RTL9: variants seen among roughly 807,000 people sequenced by gnomAD.
The protein encoded by RTL9 is retrotransposon Gag-like protein 9.
A neutral mutation model predicts 44.7 loss-of-function variants in RTL9; 19 were observed. The ratio of observed to expected loss-of-function variants is 0.42; its 90% CI spans 0.30 to 0.62. The LOEUF is 0.62. Among genes scored for constraint, RTL9 ranks in the 20% least tolerant of loss-of-function variants. The pLI is 0.16. For synonymous variants in RTL9, 407 were observed against 398.9 expected, an observed-to-expected ratio of 1.02 and a Z score of -0.24; for missense variants, 1,105 against 1,080.6, an observed-to-expected ratio of 1.02 and a Z score of -0.32.
At chrX:110,436,782 G>A (rs754664000) in intron 1 of RTL9, among the ~76,000 whole-genome samples, 49 of 112,131 alleles carry the variant, frequency 4.4e-4, no homozygotes, top group Non-Finnish European at 8.1e-4. Flanking sequence ...GAGGGAGGTA[G>A]AGAGTGGGGC....
chrX:110,449,942 T>C (rs777543855), upstream of RTL9, among the ~76,000 whole-genome samples: 8 of 112,234 alleles, frequency 7.1e-5, no homozygotes, highest in Non-Finnish European at 1.3e-4. Flanking sequence ...CGTGAAGCAA[T>C]AAATAAATAG....
At chrX:110,388,945 G>A (rs2068476398) in intron 1 of RTL9, among the ~76,000 whole-genome samples, 1 of 112,358 alleles carries the variant, frequency 8.9e-6, no homozygotes, top group South Asian at 3.7e-4. Flanking sequence ...AGTACCAGGG[G>A]TATCATATCT....
intron 1 of RTL9, among the ~76,000 whole-genome samples, chrX:110,407,807 A>G (rs2068613469): frequency 8.9e-6 from 1 of 112,351 alleles, no homozygotes; most frequent in Non-Finnish European, 1.9e-5. Flanking sequence ...TTTTCTTTCT[A>G]TTTGCAGAAG....
At chrX:110,426,094 A>G (rs1266152877) in intron 1 of RTL9, among the ~76,000 whole-genome samples, 5 of 111,822 alleles carry the variant, frequency 4.5e-5, no homozygotes, top group Non-Finnish European at 9.4e-5. Context: ...TTCTGGAGAG[A>G]AGTAATTTGA....
chrX:110,452,983 C>A (rs2068954898), exon 1 of RTL9: 1 of 1,211,556 alleles, frequency 8.3e-7, no homozygotes, highest in Non-Finnish European at 1.1e-6. Context: ...AGAGCTTCAT[C>A]CTCTGGAGAG....
chrX:110,377,553 C>G (rs2068385671), intron 1 of RTL9, among the ~76,000 whole-genome samples: 1 of 111,884 alleles, frequency 8.9e-6, no homozygotes, highest in Non-Finnish European at 1.9e-5. Flanking sequence ...TACTATTCCC[C>G]GCCCATGTCC....
At chrX:110,362,053 T>C (rs2068267298) in intron 1 of RTL9, among the ~76,000 whole-genome samples, 1 of 111,910 alleles carries the variant, frequency 8.9e-6, no homozygotes, top group African/African-American at 3.2e-5. Flanking sequence ...ATCTCCAACA[T>C]CTAGAATAGT....
intron 1 of RTL9, among the ~76,000 whole-genome samples, chrX:110,382,122 T>G (rs775352122): frequency 4.5e-5 from 5 of 112,224 alleles, no homozygotes; most frequent in Non-Finnish European, 9.4e-5. Flanking sequence ...CTTTATTCAC[T>G]CCAGGCCTAT....
chrX:110,369,224 C>T (rs1382463468), intron 1 of RTL9, among the ~76,000 whole-genome samples: 2 of 110,638 alleles, frequency 1.8e-5, no homozygotes, highest in Non-Finnish European at 3.8e-5. Flanking sequence ...CCCAGCTACT[C>T]GGTAGGCTGA....
chrX:110,408,911 G>T (rs1229512881), intron 1 of RTL9, among the ~76,000 whole-genome samples: 2 of 111,879 alleles, frequency 1.8e-5, no homozygotes, highest in East Asian at 2.8e-4. Context: ...CGTGTAGGTA[G>T]GTTATAGTAC....
At chrX:110,372,238 A>T (rs1192687285) in intron 1 of RTL9, among the ~76,000 whole-genome samples, 1 of 112,550 alleles carries the variant, frequency 8.9e-6, no homozygotes, top group African/African-American at 3.2e-5. Context: ...CTTTGTGAGG[A>T]GGATATAAAA....
chrX:110,388,018 C>T (rs2068469424), intron 1 of RTL9, among the ~76,000 whole-genome samples: 1 of 110,063 alleles, frequency 9.1e-6, no homozygotes, highest in Non-Finnish European at 1.9e-5. Context: ...CCCGCCATCA[C>T]GCCCAGCTAA....
chrX:110,382,582 C>G (rs149643744), intron 1 of RTL9, among the ~76,000 whole-genome samples: 1,785 of 111,874 alleles, frequency 0.016, 17 homozygotes, highest in Middle Eastern at 0.032. Flanking sequence ...AAGGCAGTCT[C>G]CCTGCATTAG....
At chrX:110,390,860 T>G (rs16985983) in intron 1 of RTL9, among the ~76,000 whole-genome samples, 5,347 of 112,002 alleles carry the variant, frequency 0.048, 144 homozygotes, top group African/African-American at 0.093. Flanking sequence ...TATGCCTTTC[T>G]TTCCCACGTC....
exon 1 of RTL9, chrX:110,452,307 G>A: frequency 8.3e-7 from 1 of 1,211,361 alleles, no homozygotes; most frequent in Non-Finnish European, 1.1e-6. Flanking sequence ...ATTGACATCT[G>A]CAGCACAGAT....
In RTL9 at chrX:110,434,015, C is replaced by T. The variant is rs760246749; in HGVS notation, c.-167-11138C>T. On this transcript the variant is annotated intron_variant, in intron 1 of 3. Transcript: ENST00000465301. The stretch of plus-strand genomic sequence containing the variant: ...TCCAATAGGTGCTGTGGTAGAGGAA[C>T]GTATCTGGGGAAGTTGAGGAAGTCT... 9.0e-5 allele frequency among the ~76,000 whole-genome samples: 10 copies of T among 111,250 alleles called. No homozygotes were observed. The South Asian group carries it at 3.4e-3, about 38-fold the overall frequency.
At chrX:110,411,607 T>G (rs1234839999) in intron 1 of RTL9, among the ~76,000 whole-genome samples, 3 of 112,100 alleles carry the variant, frequency 2.7e-5, no homozygotes, top group Non-Finnish European at 3.8e-5. Context: ...GATTTGACTA[T>G]GCAAAAATTT....
Position 110,453,641 on chromosome X carries a change from T to C in RTL9, c.3024T>C (p.Tyr1008=), listed in dbSNP as rs1171620200. Residue 1008 remains tyrosine, a synonymous_variant, in exon 1 of 2, where the codon TAT becomes TAC. Transcript: ENST00000540313. ...CTATGTCCTTGTCACAAACAACATA[T>C]ACCGTGTCTGGAAGGATGGCCACAG... is the stretch of plus-strand genomic sequence containing the variant. 5 of 1,210,467 alleles carry C rather than the reference T, an allele frequency of 4.1e-6. No homozygotes were observed. In the African/African-American group the frequency reaches 7.0e-5, roughly 17 times the overall value.
chrX:110,407,223 G>A (rs1175262895), intron 1 of RTL9, among the ~76,000 whole-genome samples: 6 of 112,117 alleles, frequency 5.4e-5, no homozygotes, highest in African/African-American at 1.9e-4. Context: ...TTTTCTTTGT[G>A]GAATGAGACA....
Sources: gnomAD v4.1 joint callset for allele counts (sites outside exome capture counted in the v4.1 genomes callset) on GRCh38, gnomAD v4.1.1 for gene constraint, MANE v1.5 for transcripts, NCBI Gene and HGNC (gene_info 2026-07-23, HGNC 2026-07-21) for gene names.